DMD: variants seen among roughly 807,000 people sequenced by gnomAD.
DMD encodes mutant dystrophin.
A neutral mutation model predicts 330.1 loss-of-function variants in DMD; 63 were observed. That is an observed-to-expected ratio of 0.19 (90% CI 0.16 to 0.24). The LOEUF is 0.24. DMD is among the 10% of genes least tolerant of loss of function. The probability of loss-of-function intolerance (pLI) is 1.00; values close to 1 mark genes in which losing one functional copy is unlikely to be tolerated. For synonymous variants in DMD, 1,223 were observed against 959.8 expected (o/e 1.27, Z -5.07); for missense variants, 3,344 against 2,684.1 (o/e 1.25, Z -5.43).
chrX:32,443,353 T>A (rs1162217317), intron 27 of DMD, among the ~76,000 whole-genome samples: 1 of 110,933 alleles, frequency 9.0e-6, no homozygotes, highest in Non-Finnish European at 1.9e-5. Context: ...GCTTGATATC[T>A]TATGTACAGT....
At chrX:33,322,458 T>G (rs1054147286) in intron 1 of DMD, among the ~76,000 whole-genome samples, 3 of 111,213 alleles carry the variant, frequency 2.7e-5, no homozygotes, top group African/African-American at 9.8e-5. Flanking sequence ...TTATTTCATA[T>G]GGGCATGACT....
intron 62 of DMD, among the ~76,000 whole-genome samples, chrX:31,320,041 T>G (rs755453332): frequency 1.2e-4 from 14 of 112,169 alleles, no homozygotes; most frequent in African/African-American, 4.5e-4. Context: ...ATTTTTTCAG[T>G]GGCAATGAAA....
intron 1 of DMD, among the ~76,000 whole-genome samples, chrX:33,097,538 A>G (rs1416873689): frequency 9.1e-6 from 1 of 110,301 alleles, no homozygotes; most frequent in African/African-American, 3.3e-5. Flanking sequence ...AATGATTTAA[A>G]ATTTTTACAG....
chrX:32,472,975 A>G (rs768680919), intron 21 of DMD, among the ~76,000 whole-genome samples: 1 of 111,008 alleles, frequency 9.0e-6, no homozygotes, highest in African/African-American at 3.3e-5. Context: ...TTTTATATGT[A>G]TAATTATATT....
chrX:31,384,641 C>T (rs2060365258), intron 60 of DMD, among the ~76,000 whole-genome samples: 1 of 111,637 alleles, frequency 9.0e-6, no homozygotes, highest in East Asian at 2.8e-4. Context: ...AGAGACAAAA[C>T]CTATTGTTTC....
intron 55 of DMD, among the ~76,000 whole-genome samples, chrX:31,514,097 C>G (rs2071938090): frequency 9.0e-6 from 1 of 111,731 alleles, no homozygotes; most frequent in South Asian, 3.7e-4. Context: ...ATAACTATGT[C>G]AGCACACAAA....
Position 31,241,609 on chromosome X carries a change from A to G in DMD, c.9287-18488T>C, listed in dbSNP as rs142273266. On this transcript the variant is annotated intron_variant, in intron 63 of 78. Coordinates refer to ENST00000357033, the MANE Select transcript of DMD (RefSeq NM_004006.3). ...CGCCTTCAAATTTTGAAGACATATAACTCCCTTTTTCTTTAAAACCTGTCC... is the reference window on the plus strand; with the variant it reads ...CGCCTTCAAATTTTGAAGACATATAGCTCCCTTTTTCTTTAAAACCTGTCC... 6.8e-3 allele frequency among the ~76,000 whole-genome samples: 758 copies of G among 110,915 alleles called. 8 individuals carry two copies. Among genetic ancestry groups the G allele is most frequent in the African/African-American group, 0.024 (717 of 30,467 alleles).
chrX:31,266,178 A>AAAAAAAAAAAAAAAAAAAC (rs2051069803), intron 62 of DMD, among the ~76,000 whole-genome samples: 1 of 103,690 alleles, frequency 9.6e-6, no homozygotes, highest in Non-Finnish European at 2.0e-5. Flanking sequence ...AAAAAAAAAA[A>AAAAAAAAAAAAAAAAAAAC]AAAAAGCCCA....
intron 7 of DMD, among the ~76,000 whole-genome samples, chrX:32,745,692 T>C (rs2069898721): frequency 8.9e-6 from 1 of 112,394 alleles, no homozygotes; most frequent in Non-Finnish European, 1.9e-5. Context: ...AGATAGTTGC[T>C]TTTTTATTCT....
At chrX:31,903,754 A>T (rs1205704650) in intron 47 of DMD, among the ~76,000 whole-genome samples, 1 of 112,185 alleles carries the variant, frequency 8.9e-6, no homozygotes, top group Non-Finnish European at 1.9e-5. Context: ...TTGCAATAAA[A>T]GCTTTTTAAT....
chrX:32,252,691 T>TATATAAATATATATAA, intron 43 of DMD, among the ~76,000 whole-genome samples: 1 of 52,278 alleles, frequency 1.9e-5, no homozygotes, highest in Non-Finnish European at 3.3e-5. Context: ...TATAAATATA[T>TATATAAATATATATAA]ATATAAATAT....
chrX:32,691,765 A>G (rs1304840525), intron 9 of DMD, among the ~76,000 whole-genome samples: 1 of 111,436 alleles, frequency 9.0e-6, no homozygotes, highest in Non-Finnish European at 1.9e-5. Context: ...CTCAGTGTCC[A>G]CTGATGGATG....
intron 48 of DMD, among the ~76,000 whole-genome samples, chrX:31,871,048 C>T (rs1479844019): frequency 9.0e-6 from 1 of 111,349 alleles, no homozygotes; most frequent in Non-Finnish European, 1.9e-5. Flanking sequence ...TAAACTGGTC[C>T]CGGGATCTTA....
intron 5 of DMD, among the ~76,000 whole-genome samples, chrX:32,822,368 G>C (rs1376888784): frequency 9.1e-6 from 1 of 109,554 alleles, no homozygotes; most frequent in Non-Finnish European, 1.9e-5. Context: ...GTTCATGTTG[G>C]TATATATATA....
intron 60 of DMD, among the ~76,000 whole-genome samples, chrX:31,374,150 G>A (rs200500436): frequency 0.2 from 11,083 of 56,748 alleles, 1,706 homozygotes; most frequent in African/African-American, 0.29. Context: ...TAGAATGGCG[G>A]TCATTAAAAA....
chrX:31,556,643 C>T (rs2074854812), intron 55 of DMD, among the ~76,000 whole-genome samples: 1 of 109,548 alleles, frequency 9.1e-6, no homozygotes, highest in Admixed American at 9.7e-5. Flanking sequence ...TAAAAAAACC[C>T]AAGCATCATA....
chrX:33,215,316 C>T (rs1387415143), upstream of DMD, among the ~76,000 whole-genome samples: 12 of 52,834 alleles, frequency 2.3e-4, no homozygotes, highest in Admixed American at 5.4e-4. Flanking sequence ...AGAGCAAGAC[C>T]CTATCTCAAA....
chrX:31,172,240 T>G (rs1159180327), intron 73 of DMD, 108 bp downstream of exon 73: 6 of 602,756 alleles, frequency 1.0e-5, no homozygotes, highest in Non-Finnish European at 1.4e-5. Context: ...CCTTAAAAGA[T>G]CAAATGAATA....
chrX:31,494,352 AG>A (rs1326299742), intron 57 of DMD, among the ~76,000 whole-genome samples: 38 of 111,187 alleles, frequency 3.4e-4, no homozygotes, highest in Non-Finnish European at 5.7e-5. Context: ...AAAGAAGCAA[AG>A]GGTTTCAGAC....
Sources: gnomAD v4.1 joint callset for allele counts (sites outside exome capture counted in the v4.1 genomes callset) on GRCh38, gnomAD v4.1.1 for gene constraint, MANE v1.5 for transcripts, NCBI Gene and HGNC (gene_info 2026-07-23, HGNC 2026-07-21) for gene names.